Variants in PRKCG observed in about 807,000 individuals in gnomAD.
PRKCG encodes protein kinase C gamma.
In PRKCG, 28 loss-of-function variants were observed where a neutral mutation model predicts 82.0. The observed-to-expected ratio is 0.34, with a 90% confidence interval of 0.25 to 0.47. The LOEUF (loss-of-function observed/expected upper bound fraction) is 0.47. Ranked by LOEUF, PRKCG falls within the 20% of genes least tolerant of loss-of-function variation. PRKCG has a pLI of 1.00. For missense variants in PRKCG, 640 were observed against 952.7 expected, an observed-to-expected ratio of 0.67 and a Z score of 4.32; for synonymous variants, 383 against 376.6, an observed-to-expected ratio of 1.02 and a Z score of -0.20.
At chr19:53,895,341 C>T (rs2123003027) in intron 9 of PRKCG, among the ~76,000 whole-genome samples, 1 of 151,768 alleles carries the variant, frequency 6.6e-6, no homozygotes, top group African/African-American at 2.4e-5. Flanking sequence ...ATACAAAAAT[C>T]AGCTGGGCAT....
Position 53,889,523 on chromosome 19 carries a change from G to A in PRKCG, c.286-115G>A, listed in dbSNP as rs1379737078. The A allele has an allele frequency of 7.9e-6, 6 of 763,984 alleles. No individual in the cohort carries two copies. The highest frequency in any genetic ancestry group is 2.1e-5 in the Admixed American group (1 of 47,668). The allele number at this position is 763,984 out of a possible 1,614,324, so 47.3% of individuals were successfully genotyped here. ...GATTATTGGTACATAGAGTGAAAGA[G>A]ATGGAGCCTCAGGCTGACCTAGAGA... On this transcript the variant is annotated intron_variant, in intron 3 of 17. Transcript: ENST00000263431. This position sits in a 1 kb window ranked among gnomAD's most constrained non-coding sequence, Gnocchi z 4.4.
chr19:53,889,911 C>T lies in PRKCG; in HGVS notation c.423C>T (p.Arg141=). The change falls in exon 5 of 18, where the codon CGC becomes CGT. Residue 141 remains arginine, a synonymous_variant. Transcript: ENST00000263431. This position sits in a 1 kb window ranked among gnomAD's most constrained non-coding sequence, Gnocchi z 4.4. ...CSCCEMNVHR[R]CVRSVPSLCG... Reference sequence around the variant, plus strand: ...GCTGCGAGATGAACGTGCACCGGCGCTGTGTGCGTAGCGTGCCCTCCCTGT... The same window carrying T: ...GCTGCGAGATGAACGTGCACCGGCGTTGTGTGCGTAGCGTGCCCTCCCTGT... The T allele has an allele frequency of 6.3e-7, 1 of 1,585,058 alleles. No individual in the cohort carries two copies. The highest frequency in any genetic ancestry group is 8.6e-7 in the Non-Finnish European group (1 of 1,166,396).
chr19:53,907,118 C>G lies in PRKCG; in HGVS notation c.*223C>G, dbSNP rs1599957358. The G allele has an allele frequency of 1.2e-5, 13 of 1,050,320 alleles. No homozygotes were observed. Among genetic ancestry groups the G allele is most frequent in the Middle Eastern group, 3.1e-4 (1 of 3,230 alleles). 65.1% of individuals were successfully genotyped at this position (1,050,320 alleles called of 1,614,324 possible). On this transcript the variant is annotated 3_prime_UTR_variant, in exon 18 of 18. Coordinates refer to ENST00000263431, the MANE Select transcript of PRKCG (RefSeq NM_002739.5). ...CCGCGTTCAAGACTTGAGCGGAGCCCGATATTCTCCCTGACCTTAGCGTTC... is the reference window on the plus strand; with the variant it reads ...CCGCGTTCAAGACTTGAGCGGAGCCGGATATTCTCCCTGACCTTAGCGTTC...
chr19:53,882,213 C>G lies in PRKCG; in HGVS notation c.-282C>G, dbSNP rs892298039. On this transcript the variant is annotated 5_prime_UTR_variant, in exon 1 of 18. Transcript: ENST00000263431. This position sits in a 1 kb window ranked among gnomAD's most constrained non-coding sequence, Gnocchi z 6.1. ...GGGGCTCCCACATTTCAGCAGGTGC[C>G]GGAGCTGGAGCTCCCACCGCCGCCG... 4.2e-6 allele frequency: 2 copies of G among 479,366 alleles called. No homozygotes were observed. The highest frequency in any genetic ancestry group is 7.6e-6 in the Non-Finnish European group (2 of 262,178). The allele number at this position is 479,366 out of a possible 1,614,324, so 29.7% of individuals were successfully genotyped here. A position where few individuals can be genotyped will look rare whatever the true frequency, so the allele number is the denominator to read the frequency against.
Position 53,900,124 on chromosome 19 carries a change from TG to T in PRKCG, c.1282-107del. 9.7e-7 allele frequency: 1 copy of T among 1,028,412 alleles called. No individual in the cohort carries two copies. The highest frequency in any genetic ancestry group is 1.5e-6 in the Non-Finnish European group (1 of 655,076). The allele number at this position is 1,028,412 out of a possible 1,614,324, so 63.7% of individuals were successfully genotyped here. A position where few individuals can be genotyped will look rare whatever the true frequency, so the allele number is the denominator to read the frequency against. ...GATGTGGCTAGGTGCTCTGAATTTCTGGTTGGGTGCATCTGGAACCTTCCAC... is the reference window on the plus strand; with the variant it reads ...GATGTGGCTAGGTGCTCTGAATTTCTGTTGGGTGCATCTGGAACCTTCCAC... On this transcript the variant is annotated intron_variant, in intron 11 of 17. Transcript: ENST00000263431. This position sits in a 1 kb window ranked among gnomAD's most constrained non-coding sequence, Gnocchi z 4.2.
At chr19:53,897,386 T>C (rs1442179741) in intron 9 of PRKCG, among the ~76,000 whole-genome samples, 1 of 152,102 alleles carries the variant, frequency 6.6e-6, no homozygotes, top group Non-Finnish European at 1.5e-5. Flanking sequence ...GAAGGGACCC[T>C]AGCTGAAAGC....
Position 53,892,897 on chromosome 19 carries a change from T to A in PRKCG, c.822-91T>A. 1 of 1,266,048 alleles carries A rather than the reference T, an allele frequency of 7.9e-7. No homozygotes were observed. Among genetic ancestry groups the A allele is most frequent in the Non-Finnish European group, 1.1e-6 (1 of 880,056 alleles). 78.4% of individuals were successfully genotyped at this position (1,266,048 alleles called of 1,614,324 possible). On this transcript the variant is annotated intron_variant, in intron 7 of 17. Coordinates refer to ENST00000263431, the MANE Select transcript of PRKCG (RefSeq NM_002739.5). The surrounding 1 kb of genome is among the most constrained non-coding windows in gnomAD (Gnocchi z 5.9). Reference sequence around the variant, plus strand: ...TCTCTTCCATCTCTGTGTCCGTCTCTCTGTGTCTCTTTCCTCCCTTCCAAT... The same window carrying A: ...TCTCTTCCATCTCTGTGTCCGTCTCACTGTGTCTCTTTCCTCCCTTCCAAT...
At chr19:53,885,445 TGGTCTCG>T (rs2068624572) in intron 3 of PRKCG, among the ~76,000 whole-genome samples, 1 of 152,162 alleles carries the variant, frequency 6.6e-6, no homozygotes, top group African/African-American at 2.4e-5. Context: ...TTGGCCAGGC[TGGTCTCG>T]AACTCCTGAC....
Position 53,900,494 on chromosome 19 carries a change from A to G in PRKCG, c.1436+13A>G. 1.2e-6 allele frequency: 2 copies of G among 1,614,188 alleles called. No individual in the cohort carries two copies. Among genetic ancestry groups the G allele is most frequent in the Non-Finnish European group, 8.5e-7 (1 of 1,180,038 alleles). Reference sequence around the variant, plus strand: ...GCATCATCTACAGGTGAGCAGCCCCAGGAATTTCCGTGGAGGAAATCACGC... The same window carrying G: ...GCATCATCTACAGGTGAGCAGCCCCGGGAATTTCCGTGGAGGAAATCACGC... On this transcript the variant is annotated intron_variant, in intron 13 of 17. Coordinates refer to ENST00000263431, the MANE Select transcript of PRKCG (RefSeq NM_002739.5). The surrounding 1 kb of genome is among the most constrained non-coding windows in gnomAD (Gnocchi z 4.2).
intron 9 of PRKCG, among the ~76,000 whole-genome samples, chr19:53,895,300 C>T (rs1278729935): frequency 4.0e-5 from 6 of 151,676 alleles, no homozygotes; most frequent in Admixed American, 3.9e-4. Flanking sequence ...CCAGCCTGGC[C>T]AGCGTGGCAA....
intron 9 of PRKCG, among the ~76,000 whole-genome samples, chr19:53,895,444 C>T (rs1161864368): frequency 3.4e-5 from 5 of 148,676 alleles, no homozygotes; most frequent in Admixed American, 2.7e-4. Context: ...GCCCAGATCG[C>T]TCCACTGCAC....
intron 16 of PRKCG, 38 bp from the exon 17 acceptor site, chr19:53,906,279 T>C: frequency 6.5e-7 from 1 of 1,550,140 alleles, no homozygotes; most frequent in Non-Finnish European, 8.7e-7. Flanking sequence ...CGGCACTCTG[T>C]CTGTTTGTCT....
At position 53,892,858 on chromosome 19, in the gene PRKCG, T is replaced by TAAA; in HGVS notation, c.822-129_822-128insAAA. The TAAA allele has an allele frequency of 1.9e-6, 2 of 1,080,374 alleles. No homozygotes were observed. Among genetic ancestry groups the TAAA allele is most frequent in the Non-Finnish European group, 1.4e-6 (1 of 727,946 alleles). 66.9% of individuals were successfully genotyped at this position (1,080,374 alleles called of 1,614,324 possible). ...CCCTTTCTCCCTCTCCCTCTCTTTT[T>TAAA]ATCTCACTCTTTCTCTCTTCCATCT... On this transcript the variant is annotated intron_variant, in intron 7 of 17. Transcript: ENST00000263431. This position sits in a 1 kb window ranked among gnomAD's most constrained non-coding sequence, Gnocchi z 5.9.
Position 53,906,876 on chromosome 19 carries a change from T to C in PRKCG, c.2075T>C (p.Val692Ala), listed in dbSNP as rs78437096. 5.6e-6 allele frequency: 9 copies of C among 1,613,494 alleles called. 1 individual carries two copies. The highest frequency in any genetic ancestry group is 7.6e-6 in the Non-Finnish European group (9 of 1,179,940). Residue 692 changes from valine (V) to alanine (A), a missense_variant, in exon 18 of 18, where the codon GTG becomes GCG. This residue lies in a region of PRKCG where 198 missense variants were observed against 273.4 expected (regional missense o/e 0.72). Coordinates refer to ENST00000263431, the MANE Select transcript of PRKCG (RefSeq NM_002739.5). ...HPDARSPTSP[V>A]PVPVM ...GATGCCCGCAGCCCCACCAGCCCAG[T>C]GCCTGTGCCCGTCATGTAATCTCAC... is the stretch of plus-strand genomic sequence containing the variant.
rs1281278421 is a variant in PRKCG, at chr19:53,889,871, A to C, written c.398-15A>C. 4.4e-6 allele frequency: 7 copies of C among 1,573,146 alleles called. No individual in the cohort carries two copies. Among genetic ancestry groups the C allele is most frequent in the African/African-American group, 1.4e-5 (1 of 73,822 alleles). On this transcript the variant is annotated splice_polypyrimidine_tract_variant and intron_variant, in intron 4 of 17. Coordinates refer to ENST00000263431, the MANE Select transcript of PRKCG (RefSeq NM_002739.5). The surrounding 1 kb of genome is among the most constrained non-coding windows in gnomAD (Gnocchi z 4.4). ...GGGCGGGGCCTGAGGTGCTACCCGC[A>C]GCTTTCCCCTCCAGGCTGCGAGATG...
Position 53,889,252 on chromosome 19 carries a change from C to G in PRKCG, c.286-386C>G, listed in dbSNP as rs551878139. 6.6e-6 allele frequency among the ~76,000 whole-genome samples: 1 copy of G among 152,132 alleles called. No homozygotes were observed. Among genetic ancestry groups the G allele is most frequent in the South Asian group, 2.1e-4 (1 of 4,834 alleles). On this transcript the variant is annotated intron_variant, in intron 3 of 17. Transcript: ENST00000263431. The surrounding 1 kb of genome is among the most constrained non-coding windows in gnomAD (Gnocchi z 4.4). ...TACAGGCATGAGCCACCGCACCCAG[C>G]CAGGACCACCGTATTTAAAATTTCA...
At position 53,882,219 on chromosome 19, in the gene PRKCG, T is replaced by C; in HGVS notation, c.-276T>C. ...CCCACATTTCAGCAGGTGCCGGAGC[T>C]GGAGCTCCCACCGCCGCCGCCCGTG... On this transcript the variant is annotated 5_prime_UTR_variant, in exon 1 of 18. Coordinates refer to ENST00000263431, the MANE Select transcript of PRKCG (RefSeq NM_002739.5). This position sits in a 1 kb window ranked among gnomAD's most constrained non-coding sequence, Gnocchi z 6.1. 6.0e-6 allele frequency: 3 copies of C among 498,052 alleles called. No homozygotes were observed. The Middle Eastern group carries it at 1.0e-3, about 172-fold the overall frequency. 30.9% of individuals were successfully genotyped at this position (498,052 alleles called of 1,614,324 possible).
rs1458601846 is a variant in PRKCG, at chr19:53,900,392, G to C, written c.1374-27G>C. ...GGCAGGATCCAGCCACTGACCTTCTGACGTCCCCACCCACCCCGTCCTCCA... is the reference window on the plus strand; with the variant it reads ...GGCAGGATCCAGCCACTGACCTTCTCACGTCCCCACCCACCCCGTCCTCCA... On this transcript the variant is annotated intron_variant, in intron 12 of 17. Coordinates refer to ENST00000263431, the MANE Select transcript of PRKCG (RefSeq NM_002739.5). The surrounding 1 kb of genome is among the most constrained non-coding windows in gnomAD (Gnocchi z 4.2). 6.2e-7 allele frequency: 1 copy of C among 1,614,132 alleles called. No individual in the cohort carries two copies. The highest frequency in any genetic ancestry group is 1.3e-5 in the African/African-American group (1 of 75,024).
intron 9 of PRKCG, among the ~76,000 whole-genome samples, chr19:53,896,818 C>G (rs1056537086): frequency 1.3e-5 from 2 of 152,240 alleles, no homozygotes; most frequent in Non-Finnish European, 2.9e-5. Flanking sequence ...AGGCAGAAAG[C>G]AGATAGTCAC....
Sources: gnomAD v4.1 joint callset for allele counts (sites outside exome capture counted in the v4.1 genomes callset) on GRCh38, gnomAD v4.1.1 for gene constraint, gnomAD v4.1.1 regional missense constraint, Gnocchi (gnomAD v3.1) non-coding constraint, MANE v1.5 for transcripts, NCBI Gene and HGNC (gene_info 2026-07-23, HGNC 2026-07-21) for gene names.